ABCG5: variants seen among roughly 807,000 people sequenced by gnomAD.
The protein encoded by ABCG5 is ATP-binding cassette sub-family G member 5.
A neutral mutation model predicts 64.5 loss-of-function variants in ABCG5; 64 were observed. The observed-to-expected ratio is 0.99, with a 90% CI of 0.81 to 1.22. ABCG5 has a LOEUF of 1.22. Among genes scored for constraint, ABCG5 ranks in the 50% most tolerant of loss-of-function variants. The pLI is 0.00. For synonymous variants in ABCG5, 385 were observed against 326.3 expected, an observed-to-expected ratio of 1.18 and a Z score of -1.94; for missense variants, 908 against 829.5, an observed-to-expected ratio of 1.09 and a Z score of -1.16.
intron 4 of ABCG5, 38 bp from the exon 5 acceptor site, chr2:43,828,153 C>G: frequency 6.2e-7 from 1 of 1,613,130 alleles, no homozygotes; most frequent in Non-Finnish European, 8.5e-7. Flanking sequence ...CTGGGAGTCT[C>G]TGTGGCTGCT....
chr2:43,809,002 T>G (rs567584192), downstream of ABCG5, among the ~76,000 whole-genome samples: 2 of 148,206 alleles, frequency 1.3e-5, no homozygotes, highest in Non-Finnish European at 3.0e-5. Context: ...CACACACACT[T>G]TTTTGTGACA....
chr2:43,827,846 C>T lies in ABCG5; in HGVS notation c.634+137G>A, dbSNP rs904143542. On this transcript the variant is annotated intron_variant, in intron 5 of 12. Transcript: ENST00000405322. ...AGCATTTCCAAAAAAACTGGGTCCT[C>T]AGTTTGAAAAACCTGTGATTTCAGT... The T allele has an allele frequency of 2.9e-6, 4 of 1,388,566 alleles. No homozygotes were observed. The Admixed American group carries it at 8.2e-5, about 28-fold the overall frequency. 86.0% of individuals were successfully genotyped at this position (1,388,566 alleles called of 1,614,324 possible).
chr2:43,816,163 A>T (rs1666809775), intron 11 of ABCG5, among the ~76,000 whole-genome samples: 1 of 152,232 alleles, frequency 6.6e-6, no homozygotes. Context: ...GTGTGTATAC[A>T]GTTCAAAGAC....
chr2:43,808,508 C>T (rs907969001), downstream of ABCG5, among the ~76,000 whole-genome samples: 15 of 152,124 alleles, frequency 9.9e-5, no homozygotes, highest in African/African-American at 3.4e-4. Flanking sequence ...AACCTTTGTA[C>T]AGTTATTTAG....
chr2:43,831,879 T>C lies in ABCG5; in HGVS notation c.403-12A>G. The C allele has an allele frequency of 1.3e-6, 2 of 1,500,570 alleles. No homozygotes were observed. The highest frequency in any genetic ancestry group is 8.9e-7 in the Non-Finnish European group (1 of 1,117,666). The allele number at this position is 1,500,570 out of a possible 1,614,324, so 93.0% of individuals were successfully genotyped here. A position where few individuals can be genotyped will look rare whatever the true frequency, so the allele number is the denominator to read the frequency against. ...AGCAGGGTGTCGCTCTGCAGGAGAC[T>C]CGGGCGTCAGTGTAGCCTAAGCCCC... On this transcript the variant is annotated splice_polypyrimidine_tract_variant and intron_variant, in intron 3 of 12. Coordinates refer to ENST00000405322, the MANE Select transcript of ABCG5 (RefSeq NM_022436.3).
intron 11 of ABCG5, among the ~76,000 whole-genome samples, chr2:43,816,755 T>C (rs71420074): frequency 0.012 from 1,879 of 152,324 alleles, 19 homozygotes; most frequent in Non-Finnish European, 0.018. Context: ...GCATATTTTA[T>C]ATCTTATACA....
At chr2:43,831,466 C>A in intron 4 of ABCG5, among the ~76,000 whole-genome samples, 1 of 152,214 alleles carries the variant, frequency 6.6e-6, no homozygotes, top group East Asian at 1.9e-4. Context: ...AGCCACCCTG[C>A]CCGACCTAAA....
At chr2:43,826,241 C>T in intron 6 of ABCG5, 141 bp downstream of exon 6, 3 of 1,233,548 alleles carry the variant, frequency 2.4e-6, no homozygotes, top group Non-Finnish European at 3.5e-6. Context: ...CTCAAGTGCT[C>T]CTCCTGCCTC....
chr2:43,826,648 A>G (rs1373599337), intron 5 of ABCG5, 127 bp from the exon 6 acceptor site: 3 of 1,417,138 alleles, frequency 2.1e-6, no homozygotes, highest in Non-Finnish European at 2.9e-6. Context: ...GTGGGAAGTA[A>G]ACATGTAAAC....
intron 9 of ABCG5, among the ~76,000 whole-genome samples, chr2:43,823,212 T>C (rs1667357601): frequency 6.6e-6 from 1 of 152,132 alleles, no homozygotes; most frequent in African/African-American, 2.4e-5. Flanking sequence ...GAAAAGTACA[T>C]GCAAAAGGGG....
rs1184078765 is a variant in ABCG5 at position 43,813,122 on chromosome 2, G to A, written c.1950C>T (p.Ser650=). 2.5e-6 allele frequency: 3 copies of A among 1,202,788 alleles called. No individual in the cohort carries two copies. The highest frequency in any genetic ancestry group is 3.4e-5 in the Admixed American group (2 of 59,482). 74.5% of individuals were successfully genotyped at this position (1,202,788 alleles called of 1,614,324 possible). Residue 650 remains serine, a synonymous_variant, in exon 13 of 13, where the codon AGC becomes AGT. Transcript: ENST00000405322. The part of the protein sequence containing the change: ...VVFKIRDHLI[S]R ...TTCCCAGCCATGGCTTTCACTACCT[G>A]CTAATGAGATGATCCCTTATTTTGA...
rs4148186 is a variant in ABCG5, at chr2:43,825,064, G to A, written c.775-46C>T. On this transcript the variant is annotated intron_variant, in intron 6 of 12. Coordinates refer to ENST00000405322, the MANE Select transcript of ABCG5 (RefSeq NM_022436.3). Reference sequence around the variant, plus strand: ...GTTAGTGTGTGATCACAAGGGTAGCGATGCACTTTGAATGTCTCTGGGAAC... The same window carrying A: ...GTTAGTGTGTGATCACAAGGGTAGCAATGCACTTTGAATGTCTCTGGGAAC... 1.3e-3 allele frequency: 2,144 copies of A among 1,605,408 alleles called. 28 individuals are homozygous for A. In the East Asian group the frequency reaches 0.033, roughly 25 times the overall value.
At chr2:43,808,955 G>T (rs1024997288), downstream of ABCG5, among the ~76,000 whole-genome samples, 1 of 135,916 alleles carries the variant, frequency 7.4e-6, no homozygotes, top group African/African-American at 3.2e-5. Flanking sequence ...AAATCACTGG[G>T]ACAAAGGATA....
chr2:43,826,302 T>G, intron 6 of ABCG5, 80 bp downstream of exon 6: 1 of 1,604,574 alleles, frequency 6.2e-7, no homozygotes, highest in Non-Finnish European at 8.5e-7. Flanking sequence ...GCCTGGCCAC[T>G]GGTACAAATC....
At chr2:43,827,285 A>G (rs563834099) in intron 5 of ABCG5, among the ~76,000 whole-genome samples, 2 of 151,458 alleles carry the variant, frequency 1.3e-5, no homozygotes, top group South Asian at 4.2e-4. Flanking sequence ...AGATCGCACC[A>G]CTGCACTCCA....
chr2:43,838,113 C>A lies in ABCG5; in HGVS notation c.144-158G>T. On this transcript the variant is annotated intron_variant, in intron 1 of 12. Coordinates refer to ENST00000405322, the MANE Select transcript of ABCG5 (RefSeq NM_022436.3). This position sits in a 1 kb window ranked among gnomAD's most constrained non-coding sequence, Gnocchi z 4.2. ...CTGCGCCCTCCTCTGTAGAACCTGG[C>A]AGATAGCGACTGAGGCTGTCTGCCA... The A allele has an allele frequency of 1.0e-6, 1 of 953,620 alleles. No homozygotes were observed. Among genetic ancestry groups the A allele is most frequent in the East Asian group, 2.7e-5 (1 of 37,480 alleles). The allele number at this position is 953,620 out of a possible 1,614,324, so 59.1% of individuals were successfully genotyped here. A position where few individuals can be genotyped will look rare whatever the true frequency, so the allele number is the denominator to read the frequency against.
chr2:43,822,469 C>CA, intron 10 of ABCG5: 3 of 815,098 alleles, frequency 3.7e-6, no homozygotes, highest in Non-Finnish European at 4.3e-6. Context: ...GCTTTCTCCC[C>CA]TCCCCCAGGC....
At chr2:43,822,478 G>GCACCCCCC (rs1558737214) in intron 10 of ABCG5, 1 of 432,260 alleles carries the variant, frequency 2.3e-6, no homozygotes, top group African/African-American at 2.2e-5. Flanking sequence ...CCTCCCCCAG[G>GCACCCCCC]CCCCCCCCCA....
At chr2:43,810,421 C>T, downstream of ABCG5, 2 of 985,386 alleles carry the variant, frequency 2.0e-6, no homozygotes, top group Non-Finnish European at 2.4e-6. Context: ...CAGGACAAAA[C>T]ATCATGTGTT....
Sources: allele counts gnomAD v4.1 joint callset (sites outside exome capture counted in the v4.1 genomes callset), GRCh38; gene constraint gnomAD v4.1.1; non-coding constraint Gnocchi (gnomAD v3.1); transcripts MANE v1.5; gene names NCBI Gene and HGNC (gene_info 2026-07-23, HGNC 2026-07-21).